The following ETV1 variants were observed in gnomAD, a reference collection of about 807,000 sequenced individuals.
ETV1 encodes ETS variant transcription factor 1, also known as ETS translocation variant 1.
ETV1 carries 27 observed loss-of-function variants against 62.3 expected under a neutral mutation model. The observed-to-expected ratio is 0.43, with a 90% CI of 0.32 to 0.60. The LOEUF is 0.60. Ranked by LOEUF, ETV1 falls within the 20% of genes least tolerant of loss-of-function variation. The pLI is 0.06. For synonymous variants in ETV1, 222 were observed against 199.6 expected, an observed-to-expected ratio of 1.11 and a Z score of -0.94; for missense variants, 605 against 605.8, an observed-to-expected ratio of 1.00 and a Z score of 0.01.
rs575103416 is a variant in ETV1, at chr7:13,918,641, G to T, written c.803-7334C>A. The stretch of plus-strand genomic sequence containing the variant: ...AAACAAGAACAAAAAACCAAACACC[G>T]CATATTCTCACTCATAGGTGGGAAC... On this transcript the variant is annotated intron_variant, in intron 9 of 13. Coordinates refer to ENST00000430479, the MANE Select transcript of ETV1 (RefSeq NM_004956.5). Among the ~76,000 whole-genome samples the T allele has an allele frequency of 1.4e-3, 210 of 150,814 alleles. 6 individuals carry two copies. The highest frequency in any genetic ancestry group is 1.3e-3 in the Admixed American group (19 of 15,064).
chr7:13,978,984 A>C (rs762333693), intron 5 of ETV1, among the ~76,000 whole-genome samples: 8 of 151,976 alleles, frequency 5.3e-5, no homozygotes, highest in Non-Finnish European at 1.2e-4. Flanking sequence ...CAAATTAATA[A>C]TTTTTTCAAG....
At chr7:13,932,069 C>CAA (rs1554298801) in intron 8 of ETV1, among the ~76,000 whole-genome samples, 2 of 151,392 alleles carry the variant, frequency 1.3e-5, no homozygotes, top group Non-Finnish European at 2.9e-5. Context: ...CACACACACA[C>CAA]AACGATTAAT....
chr7:13,965,556 G>A (rs1398815306), intron 6 of ETV1, among the ~76,000 whole-genome samples: 1 of 152,004 alleles, frequency 6.6e-6, no homozygotes, highest in African/African-American at 2.4e-5. Flanking sequence ...ACCATGAGAT[G>A]GGATTCTCAG....
chr7:13,908,499 G>A (rs1012126438), intron 11 of ETV1, among the ~76,000 whole-genome samples: 2 of 152,110 alleles, frequency 1.3e-5, no homozygotes, highest in Admixed American at 1.3e-4. Flanking sequence ...CTCTGCTAAT[G>A]TTGCTAAATA....
intron 6 of ETV1, among the ~76,000 whole-genome samples, chr7:13,970,488 CA>C (rs543496500): frequency 2.0e-5 from 3 of 151,718 alleles, no homozygotes; most frequent in South Asian, 4.2e-4. Flanking sequence ...AAATATGCCT[CA>C]AAAAAAGTTT....
Position 13,894,873 on chromosome 7 carries a change from T to C in ETV1, c.*993A>G, listed in dbSNP as rs1583537601. The C allele has an allele frequency of 1.3e-5, 3 of 232,850 alleles. No individual in the cohort carries two copies. The East Asian group carries it at 1.8e-4, about 14-fold the overall frequency. 14.4% of individuals were successfully genotyped at this position (232,850 alleles called of 1,614,324 possible). A position where few individuals can be genotyped will look rare whatever the true frequency, so the allele number is the denominator to read the frequency against. ...AAAAATTACTATAGTACCTATTTAG[T>C]GTATTGGATATTTTTCTTAAAGAGT... On this transcript the variant is annotated 3_prime_UTR_variant, in exon 14 of 14. Transcript: ENST00000430479.
At chr7:13,948,523 G>A (rs1188770269) in intron 6 of ETV1, among the ~76,000 whole-genome samples, 1 of 152,138 alleles carries the variant, frequency 6.6e-6, no homozygotes, top group Non-Finnish European at 1.5e-5. Flanking sequence ...CTAGAACAGA[G>A]GCTGGCAAAT....
chr7:13,967,219 C>A (rs572780256), intron 6 of ETV1, among the ~76,000 whole-genome samples: 27 of 152,160 alleles, frequency 1.8e-4, no homozygotes, highest in African/African-American at 6.0e-4. Context: ...AAGGGTCCAT[C>A]ACAACTCAAG....
rs759584395 is a variant in ETV1, at chr7:13,895,002, T to C, written c.*864A>G. The C allele has an allele frequency of 6.4e-5, 15 of 233,128 alleles. No individual in the cohort carries two copies. Among genetic ancestry groups the C allele is most frequent in the Non-Finnish European group, 1.1e-4 (13 of 117,798 alleles). The allele number at this position is 233,128 out of a possible 1,614,324, so 14.4% of individuals were successfully genotyped here. On this transcript the variant is annotated 3_prime_UTR_variant, in exon 14 of 14. Transcript: ENST00000430479. ...GAAGAAAGTGAAAAGGAGACAGATA[T>C]TTTTTGCTTCATTTTGATTCCAGAT... is the stretch of plus-strand genomic sequence containing the variant.
At chr7:13,962,994 T>A (rs537832969) in intron 6 of ETV1, among the ~76,000 whole-genome samples, 1 of 152,262 alleles carries the variant, frequency 6.6e-6, no homozygotes, top group African/African-American at 2.4e-5. Flanking sequence ...TTTACTGGAA[T>A]GCATACAAGG....
intron 6 of ETV1, among the ~76,000 whole-genome samples, chr7:13,945,809 T>C (rs1788095110): frequency 6.6e-6 from 1 of 152,204 alleles, no homozygotes; most frequent in Non-Finnish European, 1.5e-5. Context: ...AAGCAGCACA[T>C]TCATTTTGTG....
In ETV1 at chr7:13,955,767, T is replaced by C. The variant is rs924174792; in HGVS notation, c.236-16521A>G. 3.9e-5 allele frequency among the ~76,000 whole-genome samples: 6 copies of C among 152,200 alleles called. No homozygotes were observed. The East Asian group carries it at 9.6e-4, about 24-fold the overall frequency. ...GGATGTACTCCCAAGAAAACTATTA[T>C]TGGAATGAAGAATTTTTGAATTATA... On this transcript the variant is annotated intron_variant, in intron 6 of 13. Transcript: ENST00000430479.
At chr7:13,957,878 T>G (rs1789673087) in intron 6 of ETV1, among the ~76,000 whole-genome samples, 1 of 152,216 alleles carries the variant, frequency 6.6e-6, no homozygotes, top group African/African-American at 2.4e-5. Flanking sequence ...GAGAAACACA[T>G]GGATACCACC....
intron 6 of ETV1, among the ~76,000 whole-genome samples, chr7:13,942,005 A>C (rs1180551131): frequency 2.0e-5 from 3 of 150,174 alleles, no homozygotes; most frequent in African/African-American, 7.3e-5. Flanking sequence ...TTTGTAATAC[A>C]TTAACCATGC....
intron 6 of ETV1, among the ~76,000 whole-genome samples, chr7:13,965,038 A>C (rs1261759949): frequency 2.0e-5 from 3 of 152,038 alleles, no homozygotes; most frequent in Non-Finnish European, 4.4e-5. Flanking sequence ...ACTACTACTA[A>C]TACCTCCGCC....
chr7:13,936,821 G>T (rs1374133720), intron 7 of ETV1, among the ~76,000 whole-genome samples: 1 of 152,048 alleles, frequency 6.6e-6, no homozygotes, highest in South Asian at 2.1e-4. Flanking sequence ...TGGGAGGATC[G>T]CTTAAGCACG....
In ETV1 at chr7:13,894,353, G is replaced by GCAA. The variant is rs1362302347; in HGVS notation, c.*1510_*1512dup. Reference sequence around the variant, plus strand: ...CCTGCTTTCAATATTTTCTCCAAATGCAAAGCAAAAACAGAACAAAAAACT... The same window carrying GCAA: ...CCTGCTTTCAATATTTTCTCCAAATGCAACAAAGCAAAAACAGAACAAAAAACT... On this transcript the variant is annotated 3_prime_UTR_variant, in exon 14 of 14. Coordinates refer to ENST00000430479, the MANE Select transcript of ETV1 (RefSeq NM_004956.5). 4.3e-6 allele frequency: 1 copy of GCAA among 231,710 alleles called. No homozygotes were observed. Among genetic ancestry groups the GCAA allele is most frequent in the Non-Finnish European group, 8.5e-6 (1 of 117,036 alleles). The allele number at this position is 231,710 out of a possible 1,614,324, so 14.4% of individuals were successfully genotyped here.
chr7:13,909,793 A>C, intron 10 of ETV1, 93 bp from the exon 11 acceptor site: 1 of 1,102,576 alleles, frequency 9.1e-7, no homozygotes, highest in Non-Finnish European at 1.4e-6. Context: ...TTGTGATAGA[A>C]AATGACTCTG....
chr7:13,939,309 T>G (rs1452595923), intron 6 of ETV1, 63 bp from the exon 7 acceptor site: 1 of 1,412,502 alleles, frequency 7.1e-7, no homozygotes, highest in African/African-American at 1.4e-5. Flanking sequence ...GAGATTAATG[T>G]GTTCTACTTC....
Sources: gnomAD v4.1 joint callset for allele counts (sites outside exome capture counted in the v4.1 genomes callset) on GRCh38, gnomAD v4.1.1 for gene constraint, MANE v1.5 for transcripts, NCBI Gene and HGNC (gene_info 2026-07-23, HGNC 2026-07-21) for gene names.